Variants in COL23A1 observed in about 807,000 individuals in gnomAD.
The protein encoded by COL23A1 is collagen type XXIII alpha 1 chain.
COL23A1 carries 97 observed loss-of-function variants against 99.3 expected under a neutral mutation model. The ratio of observed to expected loss-of-function variants is 0.98; its 90% CI spans 0.83 to 1.16. The LOEUF (loss-of-function observed/expected upper bound fraction) is 1.16. Ranked by LOEUF, COL23A1 falls within the 50% of genes most tolerant of loss-of-function variation. COL23A1 has a pLI of 0.00. For missense variants in COL23A1, 762 were observed against 757.4 expected (o/e 1.01, Z -0.07); for synonymous variants, 320 against 308.2 (o/e 1.04, Z -0.40).
chr5:178,314,282 C>T (rs931359594), intron 2 of COL23A1, among the ~76,000 whole-genome samples: 3 of 152,156 alleles, frequency 2.0e-5, no homozygotes, highest in East Asian at 1.9e-4. Flanking sequence ...AGCCGAACAG[C>T]GCTGGGTCCT....
intron 25 of COL23A1, among the ~76,000 whole-genome samples, chr5:178,245,732 TCCA>T (rs1764656948): frequency 6.6e-6 from 1 of 152,192 alleles, no homozygotes; most frequent in Non-Finnish European, 1.5e-5. Context: ...CATTTATCCA[TCCA>T]TCAACAATCC....
At chr5:178,270,390 G>C (rs760102442) in intron 5 of COL23A1, 27 bp from the exon 6 acceptor site, 1 of 1,613,392 alleles carries the variant, frequency 6.2e-7, no homozygotes. Context: ...AGAGAACACA[G>C]GTTACACACG....
chr5:178,563,240 C>T (rs1762691049), intron 1 of COL23A1, among the ~76,000 whole-genome samples: 1 of 152,202 alleles, frequency 6.6e-6, no homozygotes, highest in African/African-American at 2.4e-5. Context: ...CTGCCACTCC[C>T]TGCTGCTTTG....
intron 2 of COL23A1, among the ~76,000 whole-genome samples, chr5:178,490,509 G>T (rs1439819603): frequency 6.6e-6 from 1 of 152,086 alleles, no homozygotes; most frequent in Non-Finnish European, 1.5e-5. Flanking sequence ...AAATGTTCTG[G>T]AGAAGGATGG....
intron 2 of COL23A1, among the ~76,000 whole-genome samples, chr5:178,422,642 C>T (rs533096062): frequency 3.3e-5 from 5 of 152,168 alleles, no homozygotes; most frequent in African/African-American, 4.8e-5. Context: ...CACCCACCCC[C>T]ACGTGGTCGC....
rs1276171062 is a variant in COL23A1 at position 178,263,281 on chromosome 5, G to A, written c.566C>T (p.Pro189Leu). The change falls in exon 9 of 29, where the codon CCT becomes CTT. Residue 189 changes from proline (P) to leucine (L), a missense_variant. Transcript: ENST00000390654. ...AGGGCCCCGGGCCCCAGGAGGTCCAGGGGGCCCCGGAGGCCCAGCAGCTCC... is the reference window on the plus strand; with the variant it reads ...AGGGCCCCGGGCCCCAGGAGGTCCAAGGGGCCCCGGAGGCCCAGCAGCTCC... ...QDGAAGPPGP[P>L]GPPGARGPPG... 5.0e-6 allele frequency: 8 copies of A among 1,609,698 alleles called. No homozygotes were observed. Among genetic ancestry groups the A allele is most frequent in the East Asian group, 2.2e-5 (1 of 44,846 alleles).
chr5:178,322,481 A>G (rs150510250), intron 2 of COL23A1, among the ~76,000 whole-genome samples: 2 of 152,256 alleles, frequency 1.3e-5, no homozygotes, highest in Non-Finnish European at 2.9e-5. Context: ...CAGAATCCCT[A>G]CCATCCCAAA....
intron 2 of COL23A1, among the ~76,000 whole-genome samples, chr5:178,397,816 G>A (rs182592033): frequency 3.3e-5 from 5 of 152,160 alleles, no homozygotes; most frequent in Admixed American, 2.0e-4. Flanking sequence ...GTGAAACCCC[G>A]TCTCTACTAA....
At chr5:178,580,657 T>C (rs1258412876) in intron 1 of COL23A1, among the ~76,000 whole-genome samples, 1 of 152,210 alleles carries the variant, frequency 6.6e-6, no homozygotes, top group Admixed American at 6.5e-5. Context: ...CTGAATTACA[T>C]TCGTTCACAT....
At chr5:178,345,811 C>T (rs771211356) in intron 2 of COL23A1, among the ~76,000 whole-genome samples, 10 of 151,966 alleles carry the variant, frequency 6.6e-5, no homozygotes, top group African/African-American at 1.7e-4. Context: ...AGGTATGAGC[C>T]GTTGCGCCCG....
intron 2 of COL23A1, among the ~76,000 whole-genome samples, chr5:178,326,967 C>G (rs572515409): frequency 3.4e-4 from 52 of 152,358 alleles, no homozygotes; most frequent in Non-Finnish European, 4.4e-5. Context: ...ATCCGCCCAC[C>G]TTGGCCTCCC....
Position 178,349,086 on chromosome 5 carries a change from G to A in COL23A1, c.362-42167C>T, listed in dbSNP as rs550494054. ...GGAAGGGATTCTCGGTAGAGCCGACGAGGGCTTACCAAATTCTCAGCACAG... is the reference window on the plus strand; with the variant it reads ...GGAAGGGATTCTCGGTAGAGCCGACAAGGGCTTACCAAATTCTCAGCACAG... On this transcript the variant is annotated intron_variant, in intron 2 of 28. Transcript: ENST00000390654. Among the ~76,000 whole-genome samples, 29 of 152,260 alleles carry A rather than the reference G, an allele frequency of 1.9e-4. 1 individual carries two copies. In the South Asian group the frequency reaches 6.0e-3, roughly 32 times the overall value.
intron 2 of COL23A1, among the ~76,000 whole-genome samples, chr5:178,506,929 T>C (rs1390600088): frequency 6.6e-6 from 1 of 152,214 alleles, no homozygotes; most frequent in Non-Finnish European, 1.5e-5. Context: ...AAGCCATCAA[T>C]TTTGTATACA....
At chr5:178,260,747 T>C (rs1203927298) in intron 11 of COL23A1, among the ~76,000 whole-genome samples, 1 of 152,294 alleles carries the variant, frequency 6.6e-6, no homozygotes, top group Non-Finnish European at 1.5e-5. Context: ...TGGGCTGAGA[T>C]TGTGCCATTG....
In COL23A1 at chr5:178,384,349, G is replaced by A. The variant is rs1360472622; in HGVS notation, c.362-77430C>T. Among the ~76,000 whole-genome samples the A allele has an allele frequency of 6.6e-6, 1 of 152,222 alleles. No homozygotes were observed. Among genetic ancestry groups the A allele is most frequent in the Admixed American group, 6.5e-5 (1 of 15,288 alleles). On this transcript the variant is annotated intron_variant, in intron 2 of 28. Coordinates refer to ENST00000390654, the MANE Select transcript of COL23A1 (RefSeq NM_173465.4). The surrounding 1 kb of genome is among the most constrained non-coding windows in gnomAD (Gnocchi z 5.5). ...CGTTTTCTCATAAACCAGCTTTCACGAGGTGTTGGCTGCTCAGTCTTGACA... is the reference window on the plus strand; with the variant it reads ...CGTTTTCTCATAAACCAGCTTTCACAAGGTGTTGGCTGCTCAGTCTTGACA...
At chr5:178,455,721 C>G (rs1221347025) in intron 2 of COL23A1, among the ~76,000 whole-genome samples, 2 of 152,188 alleles carry the variant, frequency 1.3e-5, no homozygotes, top group African/African-American at 2.4e-5. Context: ...GCACCTATCC[C>G]CTGCCCACCC....
rs893956701 is a variant in COL23A1 at position 178,415,480 on chromosome 5, C to T, written c.362-108561G>A. 3.3e-5 allele frequency among the ~76,000 whole-genome samples: 5 copies of T among 152,196 alleles called. No homozygotes were observed. Among genetic ancestry groups the T allele is most frequent in the Non-Finnish European group, 1.5e-5 (1 of 68,042 alleles). ...CGGCTCACCCTGCTGCCTCTCTGCA[C>T]AGGCTTGCTGCTGCCAGCCGGCCTC... On this transcript the variant is annotated intron_variant, in intron 2 of 28. Transcript: ENST00000390654. The surrounding 1 kb of genome is among the most constrained non-coding windows in gnomAD (Gnocchi z 4.6).
At chr5:178,254,045 T>A (rs1765175663) in intron 16 of COL23A1, among the ~76,000 whole-genome samples, 1 of 152,068 alleles carries the variant, frequency 6.6e-6, no homozygotes, top group Admixed American at 6.5e-5. Context: ...ATGCCTGTAG[T>A]CCCAGCTACT....
At chr5:178,376,523 C>T (rs1162761582) in intron 2 of COL23A1, among the ~76,000 whole-genome samples, 1 of 152,222 alleles carries the variant, frequency 6.6e-6, no homozygotes, top group Non-Finnish European at 1.5e-5. Context: ...AGACAAAGGG[C>T]AGCAGATGAC....
Sources: gnomAD v4.1 joint callset for allele counts (sites outside exome capture counted in the v4.1 genomes callset) on GRCh38, gnomAD v4.1.1 for gene constraint, Gnocchi (gnomAD v3.1) non-coding constraint, MANE v1.5 for transcripts, NCBI Gene and HGNC (gene_info 2026-07-23, HGNC 2026-07-21) for gene names.